The following PSG5 variants were observed in gnomAD, a reference collection of about 807,000 sequenced individuals.
PSG5 encodes the protein pregnancy-specific beta-1-glycoprotein 5.
In PSG5, 53 loss-of-function variants were observed where a neutral mutation model predicts 37.7. That is an observed-to-expected ratio of 1.41 (90% confidence interval 1.13 to 1.77). PSG5 has a LOEUF of 1.77. Ranked by LOEUF, PSG5 falls within the 40% of genes most tolerant of loss-of-function variation. PSG5 has a pLI of 0.00. For missense variants in PSG5, 547 were observed against 405.2 expected, an observed-to-expected ratio of 1.35 and a Z score of -3.00; for synonymous variants, 221 against 155.4, an observed-to-expected ratio of 1.42 and a Z score of -3.14.
At chr19:43,183,844 T>C (rs1373334323) in intron 2 of PSG5, among the ~76,000 whole-genome samples, 1 of 151,538 alleles carries the variant, frequency 6.6e-6, no homozygotes, top group South Asian at 2.1e-4. Context: ...GTGACTCTGG[T>C]TCAGTGACTG....
At chr19:43,178,115 G>A (rs924265759) in intron 2 of PSG5, among the ~76,000 whole-genome samples, 2 of 151,556 alleles carry the variant, frequency 1.3e-5, no homozygotes, top group African/African-American at 2.4e-5. Flanking sequence ...TACTCCCTGT[G>A]CTGGGTTTTT....
rs544737473 is a variant in PSG5 at position 43,173,336 on chromosome 19, C to T, written c.964+1879G>A. ...GTTGTAACAACAAAAGCATAGGCAA[C>T]AAATAAAATGGATTAATTGGACTTC... On this transcript the variant is annotated intron_variant, in intron 4 of 5. Coordinates refer to ENST00000342951, the MANE Select transcript of PSG5 (RefSeq NM_002781.4). 2.0e-5 allele frequency among the ~76,000 whole-genome samples: 3 copies of T among 151,742 alleles called. No individual in the cohort carries two copies. In the East Asian group the frequency reaches 5.8e-4, roughly 29 times the overall value.
At chr19:43,177,507 CTT>C (rs376486315) in intron 2 of PSG5, among the ~76,000 whole-genome samples, 14 of 144,018 alleles carry the variant, frequency 9.7e-5, no homozygotes, top group African/African-American at 1.3e-4. Context: ...TATTCCTGCC[CTT>C]TTTTTTTTTT....
chr19:43,179,448 G>A (rs141045921), intron 2 of PSG5, among the ~76,000 whole-genome samples: 1 of 151,688 alleles, frequency 6.6e-6, no homozygotes, highest in Non-Finnish European at 1.5e-5. Flanking sequence ...GCCTCTCTGA[G>A]TTCCTCCGAC....
chr19:43,181,036 G>A (rs1397128383), intron 2 of PSG5, among the ~76,000 whole-genome samples: 2 of 151,734 alleles, frequency 1.3e-5, no homozygotes, highest in Middle Eastern at 3.4e-3. Flanking sequence ...GTTTAAGTTT[G>A]TGTGAATTAG....
At chr19:43,169,928 G>T in intron 5 of PSG5, 127 bp downstream of exon 5, 2 of 586,214 alleles carry the variant, frequency 3.4e-6, no homozygotes, top group South Asian at 3.2e-5. Flanking sequence ...AATTAGTTCT[G>T]AGAAGCAGGA....
At chr19:43,179,208 C>A (rs929760313) in intron 2 of PSG5, 1 of 1,520,252 alleles carries the variant, frequency 6.6e-7, no homozygotes. Context: ...TTTGATTCCT[C>A]CAAAGGCACT....
rs904999124 is a variant in PSG5 at position 43,168,089 on chromosome 19, G to T, written c.*155C>A. On this transcript the variant is annotated 3_prime_UTR_variant, in exon 6 of 6. Transcript: ENST00000342951. The stretch of plus-strand genomic sequence containing the variant: ...CAGTGGTATGATCTTGAAGTTATCA[G>T]GAACTTGTATTCAAGAGTCCTTGTC... 8.8e-5 allele frequency: 39 copies of T among 445,198 alleles called. No individual in the cohort carries two copies. The highest frequency in any genetic ancestry group is 1.4e-4 in the Non-Finnish European group (36 of 248,574). 27.6% of individuals were successfully genotyped at this position (445,198 alleles called of 1,614,324 possible).
rs769818569 is a variant in PSG5, at chr19:43,176,029, C to A, written c.550G>T (p.Gly184Cys). 9.3e-6 allele frequency: 15 copies of A among 1,610,962 alleles called. 1 individual carries two copies. Among genetic ancestry groups the A allele is most frequent in the Non-Finnish European group, 1.2e-5 (14 of 1,179,196 alleles). Residue 184 changes from glycine (G) to cysteine (C), a missense_variant, in exon 3 of 6, where the codon GGT becomes TGT. Coordinates refer to ENST00000342951, the MANE Select transcript of PSG5 (RefSeq NM_002781.4). Reference sequence around the variant, plus strand: ...CTGGGACTGACCGGGAGGCTCTGACCATTTAGCCACCAAATGTAGGTGTAG... The same window carrying A: ...CTGGGACTGACCGGGAGGCTCTGACAATTTAGCCACCAAATGTAGGTGTAG... The part of the protein sequence containing the change: ...ENYTYIWWLN[G>C]QSLPVSPRVK...
At position 43,170,077 on chromosome 19, in the gene PSG5, G is replaced by A. The variant is rs1196331677; in HGVS notation, c.*18C>T. On this transcript the variant is annotated 3_prime_UTR_variant, in exon 5 of 6. Transcript: ENST00000342951. Reference sequence around the variant, plus strand: ...TACCTGCCAGTCTTCCTGAAATACAGAAATGACTTCACGGCTGCTATATTG... The same window carrying A: ...TACCTGCCAGTCTTCCTGAAATACAAAAATGACTTCACGGCTGCTATATTG... The A allele has an allele frequency of 6.4e-7, 1 of 1,567,080 alleles. No homozygotes were observed. The highest frequency in any genetic ancestry group is 1.1e-5 in the South Asian group (1 of 90,460).
chr19:43,175,440 A>C lies in PSG5; in HGVS notation c.739T>G (p.Ser247Ala). ...YGPDLPSIYP[S>A]FTYYRSGENL... ...TCTCCTGAACGGTAATAGGTGAATGAAGGGTAAATGCTGGGGAGGTCTGGA... is the reference window on the plus strand; with the variant it reads ...TCTCCTGAACGGTAATAGGTGAATGCAGGGTAAATGCTGGGGAGGTCTGGA... The change falls in exon 4 of 6, where the codon TCA becomes GCA. Residue 247 changes from serine (S) to alanine (A), a missense_variant. Physicochemically the swap from Ser to Ala is moderately conservative, Grantham distance 99. Transcript: ENST00000342951. 6.2e-7 allele frequency: 1 copy of C among 1,612,192 alleles called. No homozygotes were observed. The highest frequency in any genetic ancestry group is 8.5e-7 in the Non-Finnish European group (1 of 1,178,894).
At chr19:43,175,014 C>A in intron 4 of PSG5, 1 of 1,469,748 alleles carries the variant, frequency 6.8e-7, no homozygotes, top group Non-Finnish European at 9.1e-7. Flanking sequence ...AGGCCAGACA[C>A]AAGGTCAGCC....
intron 2 of PSG5, chr19:43,179,162 G>C (rs372170680): frequency 6.3e-7 from 1 of 1,584,664 alleles, no homozygotes; most frequent in Non-Finnish European, 8.7e-7. Context: ...TTTCCACTTT[G>C]CAGAAAACAG....
At chr19:43,174,042 T>C (rs1968954577) in intron 4 of PSG5, 1 of 151,758 alleles carries the variant, frequency 6.6e-6, no homozygotes, top group African/African-American at 2.4e-5. Context: ...TAACAAGGAA[T>C]AAAATTCCAA....
At chr19:43,174,678 T>G in intron 4 of PSG5, 3 of 980,016 alleles carry the variant, frequency 3.1e-6, no homozygotes, top group Non-Finnish European at 3.7e-6. Context: ...TCTCCACACA[T>G]GCTGGTCCCA....
intron 3 of PSG5, 53 bp downstream of exon 3, chr19:43,175,817 T>G (rs1599747682): frequency 1.9e-6 from 3 of 1,603,984 alleles, no homozygotes; most frequent in Non-Finnish European, 2.6e-6. Flanking sequence ...TGGCTTGTGG[T>G]CATTTAGATT....
At chr19:43,168,917 G>A (rs1249882192) in intron 5 of PSG5, among the ~76,000 whole-genome samples, 1 of 151,526 alleles carries the variant, frequency 6.6e-6, no homozygotes, top group African/African-American at 2.4e-5. Context: ...ACTTCTAGCT[G>A]AAAATCATTC....
intron 3 of PSG5, 187 bp downstream of exon 3, chr19:43,175,683 C>A: frequency 1.4e-6 from 2 of 1,402,948 alleles, no homozygotes; most frequent in Non-Finnish European, 1.9e-6. Flanking sequence ...AGAGCGCCCC[C>A]TCCCCTTATA....
At chr19:43,174,726 G>A in intron 4 of PSG5, 3 of 1,044,866 alleles carry the variant, frequency 2.9e-6, no homozygotes, top group Non-Finnish European at 2.3e-6. Flanking sequence ...CACCAGAGAA[G>A]CATGGAGCAG....
Sources: gnomAD v4.1 joint callset for allele counts (sites outside exome capture counted in the v4.1 genomes callset) on GRCh38, gnomAD v4.1.1 for gene constraint, MANE v1.5 for transcripts, NCBI Gene and HGNC (gene_info 2026-07-23, HGNC 2026-07-21) for gene names.